PDK1: variants seen among roughly 807,000 people sequenced by gnomAD.
PDK1 encodes the protein [Pyruvate dehydrogenase (acetyl-transferring)] kinase isozyme 1, mitochondrial.
In PDK1, 39 loss-of-function variants were observed where a neutral mutation model predicts 54.2. That is an observed-to-expected ratio of 0.72 (90% CI 0.56 to 0.94). PDK1 has a LOEUF of 0.94. Among genes scored for constraint, PDK1 ranks in the 40% least tolerant of loss-of-function variants. The pLI, the probability that PDK1 is intolerant of heterozygous loss-of-function variation, is 0.00. For synonymous variants in PDK1, 221 were observed against 207.1 expected, an observed-to-expected ratio of 1.07 and a Z score of -0.58; for missense variants, 552 against 566.0, an observed-to-expected ratio of 0.98 and a Z score of 0.25.
chr2:172,611,529 T>C (rs187338823), downstream of PDK1, among the ~76,000 whole-genome samples: 6 of 151,942 alleles, frequency 3.9e-5, no homozygotes, highest in East Asian at 1.2e-3. Flanking sequence ...TTCCGGAAAA[T>C]AGAACAGGAG....
chr2:172,648,533 G>A, the PDK1 span, among the ~76,000 whole-genome samples: 1 of 152,220 alleles, frequency 6.6e-6, no homozygotes, highest in East Asian at 1.9e-4. Context: ...GTAGAGCGGG[G>A]CATCGCCTCA....
chr2:172,710,885 C>T, the PDK1 span, among the ~76,000 whole-genome samples: 1 of 152,228 alleles, frequency 6.6e-6, no homozygotes, highest in Admixed American at 6.5e-5. Flanking sequence ...GGAGAAGGCT[C>T]TCATGCCACT....
chr2:172,645,333 C>T, the PDK1 span, among the ~76,000 whole-genome samples: 2 of 123,456 alleles, frequency 1.6e-5, no homozygotes, highest in East Asian at 2.7e-4. Context: ...TGCAGTGGCA[C>T]GATCTCGGCT....
the PDK1 span, among the ~76,000 whole-genome samples, chr2:172,718,752 G>A: frequency 6.6e-6 from 1 of 152,130 alleles, no homozygotes; most frequent in Non-Finnish European, 1.5e-5. Flanking sequence ...CTTCTTGTAA[G>A]GCAATATAAT....
At chr2:172,678,737 G>A in the PDK1 span, 2 of 152,308 alleles carry the variant, frequency 1.3e-5, no homozygotes, top group African/African-American at 4.8e-5. Context: ...CTCTGAAATA[G>A]GGCCTTGGCA....
intron 9 of PDK1, among the ~76,000 whole-genome samples, chr2:172,592,150 C>T (rs908249169): frequency 3.9e-5 from 6 of 152,316 alleles, no homozygotes; most frequent in African/African-American, 4.8e-5. Context: ...TCAGTGCTTC[C>T]GGGCTATGCC....
In PDK1 at chr2:172,579,089, G is replaced by T. The variant is rs138883416; in HGVS notation, c.946-7189G>T. Among the ~76,000 whole-genome samples, 43 of 152,256 alleles carry T rather than the reference G, an allele frequency of 2.8e-4. 1 individual carries two copies. Among genetic ancestry groups the T allele is most frequent in the African/African-American group, 9.1e-4 (38 of 41,548 alleles). On this transcript the variant is annotated intron_variant, in intron 8 of 10. Coordinates refer to ENST00000282077, the MANE Select transcript of PDK1 (RefSeq NM_002610.5). Reference sequence around the variant, plus strand: ...TCCAGATTCCCAGGAGATAGCTGAGGTTTTCAAAGCCCCTATGGCTATCTC... The same window carrying T: ...TCCAGATTCCCAGGAGATAGCTGAGTTTTTCAAAGCCCCTATGGCTATCTC...
the PDK1 span, among the ~76,000 whole-genome samples, chr2:172,721,648 C>T: frequency 4.6e-5 from 7 of 152,284 alleles, no homozygotes; most frequent in African/African-American, 1.7e-4. Context: ...CCCATTGTAT[C>T]TTTAAAGTTA....
At chr2:172,702,333 G>A in the PDK1 span, among the ~76,000 whole-genome samples, 31 of 152,202 alleles carry the variant, frequency 2.0e-4, no homozygotes, top group African/African-American at 6.3e-4. Context: ...AAAAATTAGC[G>A]GCGCATGATG....
the PDK1 span, among the ~76,000 whole-genome samples, chr2:172,682,672 A>G: frequency 6.6e-6 from 1 of 152,244 alleles, no homozygotes; most frequent in Non-Finnish European, 1.5e-5. Context: ...CCAGACTGTT[A>G]CATAAGAAAG....
chr2:172,587,838 C>T (rs889506922), intron 9 of PDK1, among the ~76,000 whole-genome samples: 1 of 152,088 alleles, frequency 6.6e-6, no homozygotes, highest in Non-Finnish European at 1.5e-5. Flanking sequence ...CTGATTGGTG[C>T]ATTTACAATC....
At chr2:172,662,317 T>C in the PDK1 span, among the ~76,000 whole-genome samples, 4 of 152,226 alleles carry the variant, frequency 2.6e-5, no homozygotes, top group Non-Finnish European at 4.4e-5. Context: ...CACTGCCCTC[T>C]GTGGATGAGA....
chr2:172,591,885 G>A (rs1484449266), intron 9 of PDK1, among the ~76,000 whole-genome samples: 3 of 152,224 alleles, frequency 2.0e-5, no homozygotes. Flanking sequence ...GTTTGGCTGA[G>A]TGCAAACAGC....
the PDK1 span, among the ~76,000 whole-genome samples, chr2:172,703,853 A>G: frequency 7.0e-6 from 1 of 143,580 alleles, no homozygotes; most frequent in Admixed American, 7.3e-5. Flanking sequence ...GCTCACCGCA[A>G]CCTCTGCCTC....
chr2:172,663,738 T>C, the PDK1 span, among the ~76,000 whole-genome samples: 2 of 152,172 alleles, frequency 1.3e-5, no homozygotes, highest in African/African-American at 4.8e-5. Context: ...GGAAGCACTC[T>C]AGCTGGGACT....
At position 172,603,415 on chromosome 2, in the gene PDK1, G is replaced by C. The variant is rs922886257; in HGVS notation, c.*7446G>C. 7.2e-5 allele frequency: 11 copies of C among 152,204 alleles called. No homozygotes were observed. Among genetic ancestry groups the C allele is most frequent in the African/African-American group, 2.2e-4 (9 of 41,438 alleles). The allele number at this position is 152,204 out of a possible 1,614,324, so 9.4% of individuals were successfully genotyped here. A position where few individuals can be genotyped will look rare whatever the true frequency, so the allele number is the denominator to read the frequency against. Reference sequence around the variant, plus strand: ...ATCTTACCCAGTGAACATATAACTAGTGGAAATCCTGATAATTGGCTAATG... The same window carrying C: ...ATCTTACCCAGTGAACATATAACTACTGGAAATCCTGATAATTGGCTAATG... On this transcript the variant is annotated 3_prime_UTR_variant, in exon 11 of 11. Transcript: ENST00000282077.
At chr2:172,653,857 A>G in the PDK1 span, among the ~76,000 whole-genome samples, 31 of 152,294 alleles carry the variant, frequency 2.0e-4, 2 homozygotes, top group South Asian at 6.2e-3. Flanking sequence ...ACGGGAGAAA[A>G]TTTTTACAAT....
chr2:172,616,243 A>C, the PDK1 span, among the ~76,000 whole-genome samples: 1 of 152,206 alleles, frequency 6.6e-6, no homozygotes, highest in Non-Finnish European at 1.5e-5. Flanking sequence ...CTAAAACTCT[A>C]CCCCTAGACG....
the PDK1 span, among the ~76,000 whole-genome samples, chr2:172,721,733 T>A: frequency 6.6e-6 from 1 of 152,218 alleles, no homozygotes; most frequent in Admixed American, 6.5e-5. Context: ...ATCCAAAATT[T>A]CATCTTCACA....
Sources: gnomAD v4.1 joint callset for allele counts (sites outside exome capture counted in the v4.1 genomes callset) on GRCh38, gnomAD v4.1.1 for gene constraint, MANE v1.5 for transcripts, NCBI Gene and HGNC (gene_info 2026-07-23, HGNC 2026-07-21) for gene names.